Variants in PPP1R12A observed in about 807,000 individuals in gnomAD.
PPP1R12A encodes the protein myosin binding subunit.
Under a neutral mutation model 139.6 loss-of-function variants are expected in PPP1R12A, and 19 were observed. That is an observed-to-expected ratio of 0.14 (90% CI 0.09 to 0.20). The LOEUF (loss-of-function observed/expected upper bound fraction) is 0.20. PPP1R12A is among the 10% of genes least tolerant of loss of function. The pLI, the probability that PPP1R12A is intolerant of heterozygous loss-of-function variation, is 1.00. For missense variants in PPP1R12A, 925 were observed against 1,211.5 expected (o/e 0.76, Z 3.51); for synonymous variants, 427 against 420.6 (o/e 1.02, Z -0.19).
intron 1 of PPP1R12A, among the ~76,000 whole-genome samples, chr12:79,904,089 C>T (rs1385515158): frequency 6.6e-6 from 1 of 151,968 alleles, no homozygotes; most frequent in African/African-American, 2.4e-5. Flanking sequence ...GTGATGGGCA[C>T]CTGTAATCCC....
intron 2 of PPP1R12A, among the ~76,000 whole-genome samples, chr12:79,864,135 C>T (rs906378256): frequency 2.0e-5 from 3 of 152,156 alleles, no homozygotes; most frequent in African/African-American, 4.8e-5. Flanking sequence ...TCACAACAAA[C>T]TGTCTCTCAG....
chr12:79,916,390 C>A (rs546218875), intron 1 of PPP1R12A, among the ~76,000 whole-genome samples: 90 of 151,932 alleles, frequency 5.9e-4, no homozygotes, highest in African/African-American at 2.1e-3. Flanking sequence ...ATTCTTAAGA[C>A]AGATATTCAT....
At chr12:79,793,191 AT>A (rs1872105372) in intron 19 of PPP1R12A, among the ~76,000 whole-genome samples, 1 of 152,104 alleles carries the variant, frequency 6.6e-6, no homozygotes. Flanking sequence ...TATTTTGAAT[AT>A]TTTTTAGCTT....
intron 1 of PPP1R12A, among the ~76,000 whole-genome samples, chr12:79,902,522 T>A (rs535163695): frequency 9.9e-5 from 15 of 152,272 alleles, no homozygotes; most frequent in African/African-American, 3.4e-4. Context: ...CATAGACAAG[T>A]TACCAGTTTT....
chr12:79,804,808 A>G (rs891217808), intron 14 of PPP1R12A, among the ~76,000 whole-genome samples: 1 of 152,128 alleles, frequency 6.6e-6, no homozygotes, highest in Non-Finnish European at 1.5e-5. Context: ...TTTTCCTGCA[A>G]TCTTGGGGCT....
intron 2 of PPP1R12A, among the ~76,000 whole-genome samples, chr12:79,862,722 TG>T (rs1272488644): frequency 6.6e-6 from 1 of 151,966 alleles, no homozygotes; most frequent in African/African-American, 2.4e-5. Context: ...ATATCAGTGA[TG>T]GAAGATCAAA....
intron 1 of PPP1R12A, among the ~76,000 whole-genome samples, chr12:79,897,760 AT>A (rs1885265176): frequency 6.6e-6 from 1 of 152,162 alleles, no homozygotes; most frequent in Admixed American, 6.5e-5. Context: ...TTTTGTCCTC[AT>A]TGTGAATTCC....
chr12:79,897,483 C>T (rs1885236320), intron 1 of PPP1R12A, among the ~76,000 whole-genome samples: 1 of 151,916 alleles, frequency 6.6e-6, no homozygotes, highest in African/African-American at 2.4e-5. Context: ...ATAATATACC[C>T]AGGTAACAAA....
At chr12:79,856,179 C>T (rs775446711) in intron 2 of PPP1R12A, among the ~76,000 whole-genome samples, 2 of 152,160 alleles carry the variant, frequency 1.3e-5, no homozygotes, top group Non-Finnish European at 2.9e-5. Flanking sequence ...TTCCCTAAAA[C>T]TGCATCACCA....
intron 9 of PPP1R12A, among the ~76,000 whole-genome samples, chr12:79,816,034 A>T (rs1156479954): frequency 6.6e-6 from 1 of 152,082 alleles, no homozygotes; most frequent in Non-Finnish European, 1.5e-5. Context: ...TATTTTGACC[A>T]CCTAAAGCCA....
upstream of PPP1R12A, chr12:79,935,182 C>T: frequency 7.5e-7 from 1 of 1,333,502 alleles, no homozygotes; most frequent in South Asian, 1.9e-5. Context: ...CACCGGCGGC[C>T]AATCTAACGT....
chr12:79,793,474 T>C (rs1243199059), intron 19 of PPP1R12A, among the ~76,000 whole-genome samples: 1 of 152,236 alleles, frequency 6.6e-6, no homozygotes, highest in South Asian at 2.1e-4. Flanking sequence ...GGATTTCCAC[T>C]ACTTCTGATT....
At chr12:79,923,188 C>T (rs892776526) in intron 1 of PPP1R12A, among the ~76,000 whole-genome samples, 2 of 152,140 alleles carry the variant, frequency 1.3e-5, no homozygotes, top group Non-Finnish European at 2.9e-5. Context: ...ATGGGACAAT[C>T]GCTTGAACCC....
intron 2 of PPP1R12A, among the ~76,000 whole-genome samples, chr12:79,853,331 T>C (rs1880274553): frequency 6.6e-6 from 1 of 152,220 alleles, no homozygotes; most frequent in Non-Finnish European, 1.5e-5. Flanking sequence ...ATGGAATATA[T>C]GAGGCTAAAA....
intron 2 of PPP1R12A, among the ~76,000 whole-genome samples, chr12:79,868,167 T>C (rs1278639756): frequency 6.6e-6 from 1 of 152,240 alleles, no homozygotes; most frequent in East Asian, 1.9e-4. Context: ...TCAGAGAACT[T>C]GGTTTTCAAT....
At chr12:79,906,263 G>A (rs1886102576) in intron 1 of PPP1R12A, among the ~76,000 whole-genome samples, 1 of 151,478 alleles carries the variant, frequency 6.6e-6, no homozygotes, top group Non-Finnish European at 1.5e-5. Flanking sequence ...TGATAAGTGG[G>A]ATTAAAAAAA....
intron 2 of PPP1R12A, among the ~76,000 whole-genome samples, chr12:79,862,469 C>T (rs570709059): frequency 3.9e-5 from 6 of 152,096 alleles, no homozygotes; most frequent in Non-Finnish European, 7.4e-5. Flanking sequence ...AGAATGAGTT[C>T]GACAAAGTGA....
At chr12:79,836,279 AC>A (rs1878070863) in intron 3 of PPP1R12A, among the ~76,000 whole-genome samples, 1 of 152,120 alleles carries the variant, frequency 6.6e-6, no homozygotes, top group Non-Finnish European at 1.5e-5. Context: ...AATGTTAGTA[AC>A]CTTTCTATTA....
intron 1 of PPP1R12A, among the ~76,000 whole-genome samples, chr12:79,925,536 CACTT>C (rs1445743475): frequency 1.3e-5 from 2 of 152,196 alleles, no homozygotes; most frequent in African/African-American, 2.4e-5. Context: ...CAGAATATCT[CACTT>C]AATATACATA....
Sources: allele counts gnomAD v4.1 joint callset (sites outside exome capture counted in the v4.1 genomes callset), GRCh38; gene constraint gnomAD v4.1.1; transcripts MANE v1.5; gene names NCBI Gene and HGNC (gene_info 2026-07-23, HGNC 2026-07-21).